The following ANO2 variants were observed in gnomAD, a reference collection of about 807,000 sequenced individuals.
ANO2 encodes anoctamin-2.
A neutral mutation model predicts 124.2 loss-of-function variants in ANO2; 101 were observed. That is an observed-to-expected ratio of 0.81 (90% CI 0.69 to 0.96). ANO2 has a LOEUF of 0.96. Among genes scored for constraint, ANO2 ranks in the 40% least tolerant of loss-of-function variants. The probability of loss-of-function intolerance (pLI) is 0.00; values close to 1 mark genes in which losing one functional copy is unlikely to be tolerated. For synonymous variants in ANO2, 486 were observed against 482.5 expected (o/e 1.01, Z -0.09); for missense variants, 1,293 against 1,274.5 (o/e 1.01, Z -0.22).
chr12:5,583,569 C>A (rs374450157), intron 20 of ANO2, among the ~76,000 whole-genome samples: 1 of 130,928 alleles, frequency 7.6e-6, no homozygotes, highest in Non-Finnish European at 1.6e-5. Context: ...AGGAGAATGG[C>A]GTGAACCTGG....
At chr12:5,933,256 CCA>C (rs1388788432) in intron 1 of ANO2, among the ~76,000 whole-genome samples, 1 of 152,206 alleles carries the variant, frequency 6.6e-6, no homozygotes, top group Non-Finnish European at 1.5e-5. Flanking sequence ...CACAGAAACT[CCA>C]GAGAATGAAC....
At chr12:5,757,824 G>A (rs527410368) in intron 10 of ANO2, among the ~76,000 whole-genome samples, 3 of 152,268 alleles carry the variant, frequency 2.0e-5, no homozygotes, top group Non-Finnish European at 2.9e-5. Flanking sequence ...GGGAGGATGC[G>A]ATAGTCCCTG....
At chr12:5,799,250 G>C (rs959281188) in intron 10 of ANO2, among the ~76,000 whole-genome samples, 1 of 152,228 alleles carries the variant, frequency 6.6e-6, no homozygotes, top group Non-Finnish European at 1.5e-5. Context: ...GGCAGGGAAA[G>C]AGACCAATGT....
chr12:5,889,732 G>A (rs1939253211), intron 3 of ANO2, among the ~76,000 whole-genome samples: 1 of 152,250 alleles, frequency 6.6e-6, no homozygotes, highest in Admixed American at 6.5e-5. Flanking sequence ...GGGCTCTCAG[G>A]TAGAGGGGAA....
intron 14 of ANO2, among the ~76,000 whole-genome samples, chr12:5,704,825 T>A (rs1949542952): frequency 6.6e-6 from 1 of 152,178 alleles, no homozygotes; most frequent in Non-Finnish European, 1.5e-5. Flanking sequence ...GATTCAGATA[T>A]GAAGGAACTG....
At chr12:5,794,331 C>G (rs573767241) in intron 10 of ANO2, among the ~76,000 whole-genome samples, 1 of 152,308 alleles carries the variant, frequency 6.6e-6, no homozygotes, top group African/African-American at 2.4e-5. Context: ...GAGCAAGGGA[C>G]TTGGGCCAGG....
At chr12:5,931,904 G>A (rs1942412413) in intron 1 of ANO2, among the ~76,000 whole-genome samples, 1 of 132,410 alleles carries the variant, frequency 7.6e-6, no homozygotes, top group African/African-American at 2.8e-5. Flanking sequence ...TAGTAAGGAA[G>A]GAAGACTGGT....
Position 5,744,199 on chromosome 12 carries a change from T to G in ANO2, c.1309A>C (p.Asn437His). 6.2e-7 allele frequency: 1 copy of G among 1,613,110 alleles called. No individual in the cohort carries two copies. Among genetic ancestry groups the G allele is most frequent in the Non-Finnish European group, 8.5e-7 (1 of 1,179,872 alleles). The change falls in exon 12 of 25, where the codon AAC becomes CAC. Residue 437 changes from asparagine (N) to histidine (H), a missense_variant. Physicochemically the swap from Asn to His is moderately conservative, Grantham distance 68 (BLOSUM62 1). Coordinates refer to ENST00000682330, the MANE Select transcript of ANO2 (RefSeq NM_001364791.2). ...ATAGAGAAGAAGACGGTGGCAGGGTTGTCAAACAGGTGGCTGGCCTGCGCG... is the reference window on the plus strand; with the variant it reads ...ATAGAGAAGAAGACGGTGGCAGGGTGGTCAAACAGGTGGCTGGCCTGCGCG... ...GTAQASHLFD[N>H]PATVFFSIFM...
At position 5,806,111 on chromosome 12, in the gene ANO2, T is replaced by A; in HGVS notation, c.949-18A>T. On this transcript the variant is annotated intron_variant, in intron 8 of 24. Transcript: ENST00000682330. ...TATTCACCCTGTGGAGAAAAAGTGA[T>A]GCTGGATAAAGCCAATGAAATTACC... 1.2e-6 allele frequency: 2 copies of A among 1,612,228 alleles called. No individual in the cohort carries two copies. The highest frequency in any genetic ancestry group is 1.7e-6 in the Non-Finnish European group (2 of 1,179,176).
chr12:5,610,855 C>CACACAT (rs1944504205), intron 19 of ANO2, among the ~76,000 whole-genome samples: 1 of 144,662 alleles, frequency 6.9e-6, no homozygotes, highest in Non-Finnish European at 1.5e-5. Context: ...CACACACACA[C>CACACAT]ACACAACCCT....
intron 14 of ANO2, among the ~76,000 whole-genome samples, chr12:5,701,133 G>A (rs1309078835): frequency 1.0e-4 from 12 of 117,656 alleles, no homozygotes; most frequent in Admixed American, 7.4e-4. Context: ...TCACTCTGTC[G>A]CCCGGGCAGG....
intron 14 of ANO2, among the ~76,000 whole-genome samples, chr12:5,674,554 G>A (rs1948145106): frequency 6.6e-6 from 1 of 152,226 alleles, no homozygotes; most frequent in Admixed American, 6.5e-5. Context: ...TCAGGTCACA[G>A]CCTTCTATCG....
chr12:5,580,442 A>T (rs1942680280), intron 20 of ANO2, among the ~76,000 whole-genome samples: 1 of 152,202 alleles, frequency 6.6e-6, no homozygotes, highest in Non-Finnish European at 1.5e-5. Flanking sequence ...GAGAGACCCG[A>T]CTTCTAGACC....
In ANO2 at chr12:5,578,472, CA is replaced by C; in HGVS notation, c.2279del (p.Leu760ArgfsTer25). 6.2e-7 allele frequency: 1 copy of C among 1,613,938 alleles called. No homozygotes were observed. The highest frequency in any genetic ancestry group is 8.5e-7 in the Non-Finnish European group (1 of 1,179,862). ...TGTTGAGGAGGGCAAACACAGGTGC[CA>C]GGGGAAAGGAGGCCACGAAGAGGGT... ...FVTLFVASFP[L>X]APVFALLNNV... On this transcript the variant is annotated frameshift_variant, in exon 21 of 25. Transcript: ENST00000682330. LOFTEE classifies it high-confidence loss of function.
chr12:5,711,262 A>G (rs556828504), intron 14 of ANO2, among the ~76,000 whole-genome samples: 1 of 152,136 alleles, frequency 6.6e-6, no homozygotes, highest in Admixed American at 6.5e-5. Context: ...TGCCATTCTC[A>G]TGGTGATCAG....
chr12:5,741,046 A>C (rs886774761), intron 12 of ANO2: 1 of 152,382 alleles, frequency 6.6e-6, no homozygotes, highest in Non-Finnish European at 1.5e-5. Context: ...CCCTATGTTC[A>C]TGGCACCCTG....
chr12:5,651,421 TC>T (rs1023446313), intron 14 of ANO2, among the ~76,000 whole-genome samples: 29 of 61,728 alleles, frequency 4.7e-4, no homozygotes, highest in East Asian at 1.7e-3. Flanking sequence ...CTTTTTTTTT[TC>T]TCTTTTTCTT....
intron 20 of ANO2, among the ~76,000 whole-genome samples, chr12:5,586,324 G>A (rs537599459): frequency 6.6e-6 from 1 of 152,328 alleles, no homozygotes; most frequent in South Asian, 2.1e-4. Flanking sequence ...CCAGCCCCTC[G>A]ATGCTGCCTC....
At chr12:5,668,628 A>C (rs1038972277) in intron 14 of ANO2, among the ~76,000 whole-genome samples, 1 of 152,166 alleles carries the variant, frequency 6.6e-6, no homozygotes, top group Middle Eastern at 3.2e-3. Flanking sequence ...GCCCGTGCCT[A>C]TGTCCTGAAC....
Sources: allele counts gnomAD v4.1 joint callset (sites outside exome capture counted in the v4.1 genomes callset), GRCh38; gene constraint gnomAD v4.1.1; transcripts MANE v1.5; gene names NCBI Gene and HGNC (gene_info 2026-07-23, HGNC 2026-07-21).